The following THSD7B variants were observed in gnomAD, a reference collection of about 807,000 sequenced individuals.
THSD7B encodes thrombospondin type-1 domain-containing protein 7B.
A neutral mutation model predicts 213.6 loss-of-function variants in THSD7B; 138 were observed. The ratio of observed to expected loss-of-function variants is 0.65; its 90% CI spans 0.56 to 0.74. The LOEUF (loss-of-function observed/expected upper bound fraction) is 0.74. Ranked by LOEUF, THSD7B falls within the 30% of genes least tolerant of loss-of-function variation. THSD7B has a pLI of 0.00. For synonymous variants in THSD7B, 742 were observed against 687.0 expected (o/e 1.08, Z -1.25); for missense variants, 1,931 against 1,991.5 (o/e 0.97, Z 0.58).
intron 1 of THSD7B, among the ~76,000 whole-genome samples, chr2:136,874,686 G>A (rs1214920457): frequency 2.0e-5 from 3 of 152,098 alleles, no homozygotes; most frequent in African/African-American, 7.2e-5. Context: ...AGTCTCAATG[G>A]CCTTTCATTG....
Position 137,167,319 on chromosome 2 carries a change from G to A in THSD7B, c.1526-3422G>A, listed in dbSNP as rs1680157168. On this transcript the variant is annotated intron_variant, in intron 6 of 27. Coordinates refer to ENST00000409968, the MANE Select transcript of THSD7B (RefSeq NM_001316349.2). ...CCTGGGTTCAAGCAGTTCTGCCTCAGCCTCCTGAGTAGCTGGGATTACAGG... is the reference window on the plus strand; with the variant it reads ...CCTGGGTTCAAGCAGTTCTGCCTCAACCTCCTGAGTAGCTGGGATTACAGG... Among the ~76,000 whole-genome samples the A allele has an allele frequency of 2.0e-5, 3 of 151,910 alleles. No homozygotes were observed. In the South Asian group the frequency reaches 6.2e-4, roughly 31 times the overall value.
intron 21 of THSD7B, among the ~76,000 whole-genome samples, chr2:137,644,732 T>C (rs931020591): frequency 2.6e-5 from 4 of 152,200 alleles, no homozygotes; most frequent in Non-Finnish European, 5.9e-5. Context: ...CCGCTGCATT[T>C]GTGCTTCCTC....
chr2:137,300,072 A>G (rs1683564611), intron 12 of THSD7B, among the ~76,000 whole-genome samples: 1 of 152,086 alleles, frequency 6.6e-6, no homozygotes, highest in African/African-American at 2.4e-5. Context: ...GTTGATTATG[A>G]TTTCTTAAAA....
At chr2:137,013,003 G>A (rs568405884) in intron 2 of THSD7B, among the ~76,000 whole-genome samples, 39 of 152,118 alleles carry the variant, frequency 2.6e-4, no homozygotes, top group African/African-American at 8.2e-4. Flanking sequence ...CATCTTAGCC[G>A]GTCAAGATAA....
rs75265232 is a variant in THSD7B, at chr2:137,055,416, A to C, written c.140-1004A>C. On this transcript the variant is annotated intron_variant, in intron 2 of 27. Coordinates refer to ENST00000409968, the MANE Select transcript of THSD7B (RefSeq NM_001316349.2). ...TTTACACTCCCACCAACAGGTTCAG[A>C]TTACATATTTAAATAAAATGAAAGA... Among the ~76,000 whole-genome samples, 527 of 152,270 alleles carry C rather than the reference A, an allele frequency of 3.5e-3. 8 individuals are homozygous for C. The East Asian group carries it at 0.043, about 12-fold the overall frequency.
intron 7 of THSD7B, among the ~76,000 whole-genome samples, chr2:137,171,277 A>ATTG (rs1453298470): frequency 6.6e-6 from 1 of 152,200 alleles, no homozygotes; most frequent in Admixed American, 6.5e-5. Context: ...AAGCCAATGT[A>ATTG]TAACATGCCT....
chr2:137,113,075 G>A (rs1688378701), intron 4 of THSD7B, among the ~76,000 whole-genome samples: 1 of 152,116 alleles, frequency 6.6e-6, no homozygotes, highest in African/African-American at 2.4e-5. Flanking sequence ...AAGTCTCTGA[G>A]TCAGTGGCTG....
intron 7 of THSD7B, among the ~76,000 whole-genome samples, chr2:137,178,634 TA>T (rs1375794861): frequency 3.7e-4 from 57 of 152,216 alleles, no homozygotes; most frequent in African/African-American, 1.3e-3. Context: ...AAGAGAAAAA[TA>T]GAGACTCATT....
At chr2:136,921,303 A>T (rs929194164) in intron 2 of THSD7B, among the ~76,000 whole-genome samples, 5 of 151,258 alleles carry the variant, frequency 3.3e-5, no homozygotes, top group Non-Finnish European at 4.4e-5. Context: ...ATATCTATAT[A>T]TCTCTGGATA....
intron 15 of THSD7B, among the ~76,000 whole-genome samples, chr2:137,476,856 T>C (rs1688205296): frequency 6.6e-6 from 1 of 152,194 alleles, no homozygotes; most frequent in African/African-American, 2.4e-5. Flanking sequence ...ATTACTTTTA[T>C]TCCACTGTGG....
intron 2 of THSD7B, among the ~76,000 whole-genome samples, chr2:137,017,729 T>C (rs898414618): frequency 4.6e-5 from 7 of 152,186 alleles, no homozygotes; most frequent in African/African-American, 1.7e-4. Flanking sequence ...CAGTGCCATA[T>C]GATGCCTTAT....
At chr2:137,130,401 AAGTTTT>A (rs1423986036) in intron 5 of THSD7B, among the ~76,000 whole-genome samples, 2 of 151,794 alleles carry the variant, frequency 1.3e-5, no homozygotes, top group Non-Finnish European at 2.9e-5. Flanking sequence ...ATTATACTTT[AAGTTTT>A]AGGGTACATG....
At position 137,014,692 on chromosome 2, in the gene THSD7B, C is replaced by T. The variant is rs531082681; in HGVS notation, c.140-41728C>T. ...CTTTATGGCCACGGCAACCAGCTTC[C>T]GTGACTCCAACATGAGCTGCTCTCT... On this transcript the variant is annotated intron_variant, in intron 2 of 27. Coordinates refer to ENST00000409968, the MANE Select transcript of THSD7B (RefSeq NM_001316349.2). 4.6e-5 allele frequency among the ~76,000 whole-genome samples: 7 copies of T among 152,308 alleles called. No individual in the cohort carries two copies. The South Asian group carries it at 8.3e-4, about 18-fold the overall frequency.
At chr2:136,918,927 G>C (rs892917579) in intron 2 of THSD7B, among the ~76,000 whole-genome samples, 1 of 152,168 alleles carries the variant, frequency 6.6e-6, no homozygotes, top group African/African-American at 2.4e-5. Flanking sequence ...ACACTGGGAA[G>C]TCCTGGGCAT....
chr2:137,336,559 A>C (rs1573968539), intron 12 of THSD7B, among the ~76,000 whole-genome samples: 1 of 152,178 alleles, frequency 6.6e-6, no homozygotes, highest in East Asian at 1.9e-4. Flanking sequence ...AACCAAAATC[A>C]AGACATGTGC....
At chr2:137,162,247 C>T (rs1253891845) in intron 6 of THSD7B, among the ~76,000 whole-genome samples, 1 of 152,204 alleles carries the variant, frequency 6.6e-6, no homozygotes, top group African/African-American at 2.4e-5. Flanking sequence ...CTCTCTCCAT[C>T]TCTTGTGTCT....
chr2:137,515,702 T>A (rs1680054682), intron 15 of THSD7B, among the ~76,000 whole-genome samples: 1 of 151,926 alleles, frequency 6.6e-6, no homozygotes. Flanking sequence ...CTCAGGGAGT[T>A]AAAAAAGTTT....
intron 7 of THSD7B, among the ~76,000 whole-genome samples, chr2:137,179,535 T>C (rs568751137): frequency 2.3e-4 from 35 of 152,080 alleles, no homozygotes; most frequent in African/African-American, 8.0e-4. Context: ...TTACACATTC[T>C]GTACCTGTTC....
chr2:136,947,946 C>T (rs1357003530), intron 2 of THSD7B, among the ~76,000 whole-genome samples: 3 of 152,160 alleles, frequency 2.0e-5, no homozygotes, highest in African/African-American at 7.2e-5. Flanking sequence ...CCTGCAGACA[C>T]TTCACACTGA....
Sources: gnomAD v4.1 joint callset for allele counts (sites outside exome capture counted in the v4.1 genomes callset) on GRCh38, gnomAD v4.1.1 for gene constraint, MANE v1.5 for transcripts, NCBI Gene and HGNC (gene_info 2026-07-23, HGNC 2026-07-21) for gene names.